Variants in ERI3 observed in about 807,000 individuals in gnomAD.
ERI3 encodes ERI1 exoribonuclease 3.
In ERI3, 18 loss-of-function variants were observed where a neutral mutation model predicts 44.4. The observed-to-expected ratio is 0.41, with a 90% CI of 0.28 to 0.60. The LOEUF (loss-of-function observed/expected upper bound fraction) is 0.60. Ranked by LOEUF, ERI3 falls within the 20% of genes least tolerant of loss-of-function variation. ERI3 has a pLI of 0.36. For missense variants in ERI3, 294 were observed against 435.5 expected, an observed-to-expected ratio of 0.68 and a Z score of 2.89; for synonymous variants, 183 against 164.8, an observed-to-expected ratio of 1.11 and a Z score of -0.84.
chr1:44,333,386 C>T (rs1646470565), intron 3 of ERI3, among the ~76,000 whole-genome samples: 1 of 152,236 alleles, frequency 6.6e-6, no homozygotes, highest in Non-Finnish European at 1.5e-5. Flanking sequence ...AGAGGGACCA[C>T]AATCCAAGGA....
intron 8 of ERI3, among the ~76,000 whole-genome samples, chr1:44,237,142 G>C (rs1294801740): frequency 1.3e-5 from 2 of 152,190 alleles, no homozygotes; most frequent in Non-Finnish European, 2.9e-5. Context: ...TTCCATGGAA[G>C]AACAGGGCTG....
intron 2 of ERI3, among the ~76,000 whole-genome samples, chr1:44,352,009 T>C (rs1646900663): frequency 6.6e-6 from 1 of 152,152 alleles, no homozygotes. Flanking sequence ...CATAACTGCC[T>C]TTTTACTATC....
chr1:44,347,043 C>T (rs1291405567), intron 2 of ERI3, among the ~76,000 whole-genome samples: 1 of 152,128 alleles, frequency 6.6e-6, no homozygotes, highest in African/African-American at 2.4e-5. Flanking sequence ...GCATATCACA[C>T]ATGAGGAAAC....
intron 2 of ERI3, among the ~76,000 whole-genome samples, chr1:44,343,133 G>A (rs1483650879): frequency 6.6e-6 from 1 of 151,446 alleles, no homozygotes; most frequent in Non-Finnish European, 1.5e-5. Context: ...CAGAAAGCAA[G>A]GAAACACCCA....
intron 2 of ERI3, among the ~76,000 whole-genome samples, chr1:44,351,810 G>A (rs1646895834): frequency 6.6e-6 from 1 of 152,014 alleles, no homozygotes; most frequent in African/African-American, 2.4e-5. Context: ...CTGACACTTG[G>A]TCCCTCATGT....
intron 6 of ERI3, among the ~76,000 whole-genome samples, chr1:44,294,832 T>A (rs1160283394): frequency 6.6e-6 from 1 of 152,246 alleles, no homozygotes; most frequent in Non-Finnish European, 1.5e-5. Flanking sequence ...CTCATCCCAC[T>A]ACAGTCTTCC....
intron 7 of ERI3, among the ~76,000 whole-genome samples, chr1:44,259,137 C>T (rs1401922414): frequency 6.6e-6 from 1 of 152,188 alleles, no homozygotes; most frequent in African/African-American, 2.4e-5. Flanking sequence ...ACAGCTTTCT[C>T]CAAGAGACTT....
chr1:44,305,749 G>C (rs1442940497), intron 6 of ERI3, among the ~76,000 whole-genome samples: 6 of 152,234 alleles, frequency 3.9e-5, no homozygotes, highest in Admixed American at 3.9e-4. Flanking sequence ...AGCTGCTGAG[G>C]GGAGAAGGGG....
intron 3 of ERI3, among the ~76,000 whole-genome samples, chr1:44,330,201 T>G (rs748591719): frequency 1.3e-5 from 2 of 152,206 alleles, no homozygotes; most frequent in Non-Finnish European, 2.9e-5. Context: ...GTACCCCCAT[T>G]GTAGAGTATG....
chr1:44,263,699 TGAGAA>T (rs1193936147), intron 7 of ERI3, among the ~76,000 whole-genome samples: 5 of 152,214 alleles, frequency 3.3e-5, no homozygotes, highest in African/African-American at 1.2e-4. Context: ...GCTTGGGCTC[TGAGAA>T]GAGAAGTCAT....
At chr1:44,309,446 G>A (rs1310444228) in intron 5 of ERI3, among the ~76,000 whole-genome samples, 1 of 151,980 alleles carries the variant, frequency 6.6e-6, no homozygotes, top group Non-Finnish European at 1.5e-5. Flanking sequence ...AGTGAGCTGA[G>A]ATCACACCAC....
Position 44,252,800 on chromosome 1 carries a change from G to A in ERI3, c.832-4762C>T, listed in dbSNP as rs1456196097. Among the ~76,000 whole-genome samples, 3 of 152,170 alleles carry A rather than the reference G, an allele frequency of 2.0e-5. No homozygotes were observed. The highest frequency in any genetic ancestry group is 7.2e-5 in the African/African-American group (3 of 41,426). ...CCAGGACCCTCAGAGTGGAGTGGAC[G>A]CACAGTGGGAAGGGCTGTGGTTGGG... On this transcript the variant is annotated intron_variant, in intron 7 of 8. Transcript: ENST00000372257. This position sits in a 1 kb window ranked among gnomAD's most constrained non-coding sequence, Gnocchi z 4.7.
At chr1:44,279,908 C>T (rs1003804387) in intron 7 of ERI3, among the ~76,000 whole-genome samples, 3 of 152,152 alleles carry the variant, frequency 2.0e-5, no homozygotes, top group African/African-American at 7.2e-5. Flanking sequence ...CAATTTTGTT[C>T]ACAAGAAACA....
chr1:44,345,150 G>C (rs1022581328), intron 2 of ERI3, among the ~76,000 whole-genome samples: 1 of 152,238 alleles, frequency 6.6e-6, no homozygotes, highest in African/African-American at 2.4e-5. Flanking sequence ...CAGATTAGAG[G>C]AACCACAGAG....
chr1:44,284,737 AAG>A (rs1645356827), intron 7 of ERI3, 96 bp downstream of exon 7: 4 of 874,450 alleles, frequency 4.6e-6, no homozygotes, highest in African/African-American at 1.7e-5. Flanking sequence ...CAAAAAGAAA[AAG>A]AGGGAGAACA....
At chr1:44,288,974 G>A (rs1645450184) in intron 6 of ERI3, among the ~76,000 whole-genome samples, 1 of 152,238 alleles carries the variant, frequency 6.6e-6, no homozygotes, top group Non-Finnish European at 1.5e-5. Context: ...CGTGCAGGCA[G>A]GTTTATGGTG....
intron 6 of ERI3, among the ~76,000 whole-genome samples, chr1:44,290,160 G>A (rs570071545): frequency 1.3e-5 from 2 of 152,342 alleles, no homozygotes; most frequent in Non-Finnish European, 2.9e-5. Flanking sequence ...TTGGAGTGAT[G>A]TGGGCTGGCA....
intron 6 of ERI3, among the ~76,000 whole-genome samples, chr1:44,293,818 C>T (rs1314716364): frequency 1.3e-5 from 2 of 152,214 alleles, no homozygotes; most frequent in Non-Finnish European, 1.5e-5. Flanking sequence ...GTGTCCTCTA[C>T]TCTCAGGCTC....
intron 8 of ERI3, among the ~76,000 whole-genome samples, chr1:44,225,648 C>G (rs1262004822): frequency 6.6e-6 from 1 of 152,172 alleles, no homozygotes; most frequent in Non-Finnish European, 1.5e-5. Flanking sequence ...CAAGGACAGT[C>G]AAATGTCTGC....
Sources: gnomAD v4.1 joint callset for allele counts (sites outside exome capture counted in the v4.1 genomes callset) on GRCh38, gnomAD v4.1.1 for gene constraint, Gnocchi (gnomAD v3.1) non-coding constraint, MANE v1.5 for transcripts, NCBI Gene and HGNC (gene_info 2026-07-23, HGNC 2026-07-21) for gene names.